Variants in WT1 observed in about 807,000 individuals in gnomAD.
WT1 encodes Wilms tumor protein.
A neutral mutation model predicts 60.8 loss-of-function variants in WT1; 8 were observed. The ratio of observed to expected loss-of-function variants is 0.13; its 90% CI spans 0.08 to 0.24. The LOEUF is 0.24. Among genes scored for constraint, WT1 ranks in the 10% least tolerant of loss-of-function variants. The probability of loss-of-function intolerance (pLI) is 1.00; values close to 1 mark genes in which losing one functional copy is unlikely to be tolerated. For missense variants in WT1, 568 were observed against 711.8 expected (o/e 0.80, Z 2.30); for synonymous variants, 312 against 297.1 (o/e 1.05, Z -0.52).
At chr11:32,399,079 C>T (rs1163364268) in intron 6 of WT1, among the ~76,000 whole-genome samples, 2 of 150,646 alleles carry the variant, frequency 1.3e-5, no homozygotes, top group African/African-American at 4.9e-5. Flanking sequence ...TGGTGTGAAC[C>T]CTGGAGGCGG....
chr11:32,427,915 G>A (rs1286462936), intron 3 of WT1, 41 bp downstream of exon 3: 5 of 1,567,852 alleles, frequency 3.2e-6, no homozygotes, highest in East Asian at 2.3e-5. Flanking sequence ...GTCCCCTCCG[G>A]GGTCCCAAGG....
chr11:32,401,504 TC>T (rs1021510722), intron 5 of WT1, among the ~76,000 whole-genome samples: 2 of 123,666 alleles, frequency 1.6e-5, no homozygotes, highest in African/African-American at 6.4e-5. Flanking sequence ...TAAAAAATTA[TC>T]GGGGGGGGGT....
chr11:32,388,917 C>G lies in WT1; in HGVS notation c.*141G>C, dbSNP rs1357344319. 2.0e-6 allele frequency: 3 copies of G among 1,469,664 alleles called. No individual in the cohort carries two copies. Among genetic ancestry groups the G allele is most frequent in the East Asian group, 2.4e-5 (1 of 41,786 alleles). The allele number at this position is 1,469,664 out of a possible 1,614,324, so 91.0% of individuals were successfully genotyped here. A position where few individuals can be genotyped will look rare whatever the true frequency, so the allele number is the denominator to read the frequency against. On this transcript the variant is annotated 3_prime_UTR_variant, in exon 10 of 10. Transcript: ENST00000452863. ...AGGCACACCTGGTAGTTTCCAGAAG[C>G]ACCGGTATCTTGTCTTGGAAGTTGG...
chr11:32,428,669 CG>C lies in WT1; in HGVS notation c.662-51del, dbSNP rs1012846850. The C allele has an allele frequency of 1.9e-6, 3 of 1,590,740 alleles. No homozygotes were observed. The African/African-American group carries it at 4.1e-5, about 22-fold the overall frequency. ...CAGTGTCAGCGGTGCTCTCGCAAGA[CG>C]GGGCAGTGGGTCTGAACCAGCCACG... On this transcript the variant is annotated intron_variant, in intron 1 of 9. Coordinates refer to ENST00000452863, the MANE Select transcript of WT1 (RefSeq NM_024426.6).
chr11:32,414,449 A>AT (rs1564985405), intron 5 of WT1, among the ~76,000 whole-genome samples: 1 of 151,990 alleles, frequency 6.6e-6, no homozygotes, highest in South Asian at 2.1e-4. Flanking sequence ...ATTTTTTTGT[A>AT]TTTTTTGTAG....
At chr11:32,430,700 G>A (rs1448583551) in intron 1 of WT1, 15 of 1,425,272 alleles carry the variant, frequency 1.1e-5, no homozygotes, top group Non-Finnish European at 8.2e-6. Flanking sequence ...GGATGCCCGT[G>A]GCCCGCGAGC....
chr11:32,403,475 T>G (rs528133920), intron 5 of WT1, among the ~76,000 whole-genome samples: 1 of 152,268 alleles, frequency 6.6e-6, no homozygotes, highest in South Asian at 2.1e-4. Flanking sequence ...GGTGACTAGT[T>G]TTCAAGATAG....
chr11:32,417,390 T>C (rs1852708559), intron 4 of WT1, 187 bp downstream of exon 4: 1 of 608,982 alleles, frequency 1.6e-6, no homozygotes, highest in African/African-American at 1.8e-5. Context: ...CCCACATTTA[T>C]GTTTTTGAAA....
intron 5 of WT1, among the ~76,000 whole-genome samples, chr11:32,410,396 C>T (rs1290267024): frequency 6.6e-6 from 1 of 152,174 alleles, no homozygotes; most frequent in Non-Finnish European, 1.5e-5. Flanking sequence ...CTCCCTTTTG[C>T]AGCAGAACTC....
intron 7 of WT1, 105 bp downstream of exon 7, chr11:32,396,152 C>T (rs1820091240): frequency 6.5e-7 from 1 of 1,534,196 alleles, no homozygotes; most frequent in South Asian, 1.1e-5. Flanking sequence ...CAAAGCAGTG[C>T]TTACTTTCCA....
intron 1 of WT1, among the ~76,000 whole-genome samples, chr11:32,429,280 CT>C (rs969811614): frequency 2.0e-5 from 3 of 152,166 alleles, no homozygotes; most frequent in Admixed American, 6.5e-5. Context: ...CTCCTCCCCC[CT>C]ATGGGACCCA....
chr11:32,428,944 G>T, intron 1 of WT1: 1 of 413,980 alleles, frequency 2.4e-6, no homozygotes, highest in Non-Finnish European at 4.6e-6. Context: ...AAAACTCGTT[G>T]CCTGATCGAC....
chr11:32,433,288 T>C (rs1458021925), intron 1 of WT1, among the ~76,000 whole-genome samples: 1 of 152,264 alleles, frequency 6.6e-6, no homozygotes, highest in African/African-American at 2.4e-5. Context: ...CCCTTGGGTC[T>C]GCTTGCGGTT....
chr11:32,409,191 G>A (rs1564982179), intron 5 of WT1, among the ~76,000 whole-genome samples: 2 of 152,076 alleles, frequency 1.3e-5, no homozygotes, highest in African/African-American at 4.8e-5. Flanking sequence ...ATTTGCTTGA[G>A]TGTGACATGC....
intron 3 of WT1, among the ~76,000 whole-genome samples, chr11:32,418,918 AG>A (rs1590377704): frequency 6.6e-6 from 1 of 152,342 alleles, no homozygotes; most frequent in East Asian, 1.9e-4. Flanking sequence ...AGATTCCAGG[AG>A]GGAATTTTGC....
rs1260712813 is a variant in WT1, at chr11:32,408,171, C to A, written c.1017-8127G>T. On this transcript the variant is annotated intron_variant, in intron 5 of 9. Transcript: ENST00000452863. ...CAGGGAGTCGGAAGTTGCAGTGAGC[C>A]GAGATCGCATCAGCCTGGCTACAGA... is the stretch of plus-strand genomic sequence containing the variant. Among the ~76,000 whole-genome samples, 2 of 144,688 alleles carry A rather than the reference C, an allele frequency of 1.4e-5. 1 individual carries two copies. Among genetic ancestry groups the A allele is most frequent in the Middle Eastern group, 7.5e-3 (2 of 268 alleles). The allele number at this position is 144,688 out of a possible 152,430, so 94.9% of individuals were successfully genotyped here. A position where few individuals can be genotyped will look rare whatever the true frequency, so the allele number is the denominator to read the frequency against.
chr11:32,402,191 T>A (rs952461631), intron 5 of WT1, among the ~76,000 whole-genome samples: 4 of 152,204 alleles, frequency 2.6e-5, no homozygotes, highest in Non-Finnish European at 5.9e-5. Flanking sequence ...ATATCTTGTC[T>A]CCACATCCTT....
chr11:32,390,955 C>T (rs1339071806), intron 9 of WT1, among the ~76,000 whole-genome samples: 1 of 143,982 alleles, frequency 6.9e-6, no homozygotes, highest in South Asian at 2.3e-4. Context: ...ATAAAACATG[C>T]CTACCTCATT....
chr11:32,430,779 C>T (rs1853278170), intron 1 of WT1: 1 of 1,321,146 alleles, frequency 7.6e-7, no homozygotes, highest in Admixed American at 3.2e-5. Context: ...AAACCCTCTC[C>T]TTCAGGTCCC....
Sources: gnomAD v4.1 joint callset for allele counts (sites outside exome capture counted in the v4.1 genomes callset) on GRCh38, gnomAD v4.1.1 for gene constraint, MANE v1.5 for transcripts, NCBI Gene and HGNC (gene_info 2026-07-23, HGNC 2026-07-21) for gene names.